The following MGMT variants were observed in gnomAD, a reference collection of about 807,000 sequenced individuals.
MGMT encodes O-6-methylguanine-DNA methyltransferase.
MGMT carries 14 observed loss-of-function variants against 15.9 expected under a neutral mutation model. That is an observed-to-expected ratio of 0.88 (90% CI 0.58 to 1.37). MGMT has a LOEUF of 1.37. Ranked by LOEUF, MGMT falls within the 40% of genes most tolerant of loss-of-function variation. The pLI is 0.00. For synonymous variants in MGMT, 130 were observed against 118.2 expected (o/e 1.10, Z -0.65); for missense variants, 282 against 268.1 (o/e 1.05, Z -0.36).
chr10:129,592,125 G>A (rs1225766339), intron 2 of MGMT, among the ~76,000 whole-genome samples: 6 of 152,142 alleles, frequency 3.9e-5, no homozygotes, highest in South Asian at 2.1e-4. Context: ...TCAGGGTGAC[G>A]GGAGTGGCCA....
chr10:129,594,774 A>T (rs1313394916), intron 2 of MGMT, among the ~76,000 whole-genome samples: 1 of 152,246 alleles, frequency 6.6e-6, no homozygotes, highest in Non-Finnish European at 1.5e-5. Flanking sequence ...TCCCCAGAGA[A>T]GGTGCACCTC....
rs113520087 is a variant in MGMT at position 129,718,993 on chromosome 10, C to T, written c.274+10950C>T. Among the ~76,000 whole-genome samples the T allele has an allele frequency of 3.1e-3, 465 of 151,804 alleles. 4 individuals are homozygous for T. Among genetic ancestry groups the T allele is most frequent in the Non-Finnish European group, 4.9e-3 (335 of 67,974 alleles). On this transcript the variant is annotated intron_variant, in intron 3 of 4. Transcript: ENST00000651593. ...GATGTCTAGAGCCGGTCCATGTGCCCGCTCAGGTATGTCACCTTCCTGAGA... is the reference window on the plus strand; with the variant it reads ...GATGTCTAGAGCCGGTCCATGTGCCTGCTCAGGTATGTCACCTTCCTGAGA...
At chr10:129,595,447 G>A (rs528948502) in intron 2 of MGMT, among the ~76,000 whole-genome samples, 6 of 152,230 alleles carry the variant, frequency 3.9e-5, no homozygotes, top group Non-Finnish European at 5.9e-5. Flanking sequence ...CTGAGCTTTC[G>A]TGGTGTCCAC....
chr10:129,765,563 G>A lies in MGMT; in HGVS notation c.415-1225G>A, dbSNP rs115337078. ...TAGGGTAAAAGCGAGATTGAAGGCAGGGGGTGGGGGGCCAGTGGCATGGCC... is the reference window on the plus strand; with the variant it reads ...TAGGGTAAAAGCGAGATTGAAGGCAAGGGGTGGGGGGCCAGTGGCATGGCC... On this transcript the variant is annotated intron_variant, in intron 4 of 4. Coordinates refer to ENST00000651593, the MANE Select transcript of MGMT (RefSeq NM_002412.5). 7.2e-3 allele frequency among the ~76,000 whole-genome samples: 1,100 copies of A among 152,338 alleles called. 18 individuals carry two copies. Among genetic ancestry groups the A allele is most frequent in the African/African-American group, 0.025 (1,038 of 41,590 alleles).
intron 1 of MGMT, 36 bp from the exon 2 acceptor site, chr10:129,536,205 C>T (rs576674026): frequency 6.2e-7 from 1 of 1,611,768 alleles, no homozygotes; most frequent in South Asian, 1.1e-5. Flanking sequence ...CAGCCTCTTA[C>T]CTATACACTT....
At chr10:129,748,160 A>G (rs1030113765) in intron 3 of MGMT, among the ~76,000 whole-genome samples, 1 of 152,196 alleles carries the variant, frequency 6.6e-6, no homozygotes, top group Non-Finnish European at 1.5e-5. Flanking sequence ...TTGAAGACAG[A>G]GTATCTACAT....
At chr10:129,671,754 C>T (rs189917234) in intron 2 of MGMT, among the ~76,000 whole-genome samples, 104 of 152,298 alleles carry the variant, frequency 6.8e-4, no homozygotes, top group African/African-American at 2.1e-3. Context: ...ACAAAGAAAT[C>T]GCTCACGTCA....
intron 1 of MGMT, among the ~76,000 whole-genome samples, chr10:129,529,573 C>T (rs963572496): frequency 2.0e-5 from 3 of 152,204 alleles, no homozygotes; most frequent in Non-Finnish European, 1.5e-5. Flanking sequence ...AAGCCATATC[C>T]ACAGGAAGTG....
intron 1 of MGMT, 74 bp from the exon 2 acceptor site, chr10:129,536,167 T>G: frequency 6.7e-7 from 1 of 1,492,846 alleles, no homozygotes; most frequent in Non-Finnish European, 9.2e-7. Flanking sequence ...AAATAACCAG[T>G]ACTTCTGTTG....
intron 3 of MGMT, among the ~76,000 whole-genome samples, chr10:129,736,889 C>T (rs1227470298): frequency 6.6e-6 from 1 of 152,172 alleles, no homozygotes; most frequent in Non-Finnish European, 1.5e-5. Flanking sequence ...ATATTGGCCC[C>T]CATTCTCTTC....
At chr10:129,546,838 G>C (rs571087058) in intron 2 of MGMT, among the ~76,000 whole-genome samples, 1 of 152,322 alleles carries the variant, frequency 6.6e-6, no homozygotes, top group East Asian at 1.9e-4. Flanking sequence ...TTTGACTTCG[G>C]GATGCCAGCT....
chr10:129,723,308 G>C (rs1040037712), intron 3 of MGMT, among the ~76,000 whole-genome samples: 1 of 152,038 alleles, frequency 6.6e-6, no homozygotes, highest in Non-Finnish European at 1.5e-5. Context: ...AAAGTCTATT[G>C]TGTCATTCTT....
chr10:129,497,203 C>A (rs539787667), intron 1 of MGMT, among the ~76,000 whole-genome samples: 2 of 152,312 alleles, frequency 1.3e-5, no homozygotes, highest in South Asian at 2.1e-4. Context: ...ACCACTCCCC[C>A]GTCTCTGCAC....
chr10:129,651,648 G>A (rs997488764), intron 2 of MGMT, among the ~76,000 whole-genome samples: 5 of 151,978 alleles, frequency 3.3e-5, no homozygotes, highest in Non-Finnish European at 5.9e-5. Flanking sequence ...GAAAAGTGTC[G>A]CCTATAGAAT....
intron 1 of MGMT, among the ~76,000 whole-genome samples, chr10:129,527,399 T>TA (rs1845882769): frequency 6.6e-6 from 1 of 152,202 alleles, no homozygotes; most frequent in Non-Finnish European, 1.5e-5. Context: ...GTGTTTGAGT[T>TA]AGACGGGACA....
chr10:129,765,064 T>A (rs1306560340), intron 4 of MGMT, among the ~76,000 whole-genome samples: 1 of 152,050 alleles, frequency 6.6e-6, no homozygotes, highest in African/African-American at 2.4e-5. Flanking sequence ...GCTCCTGTGG[T>A]CATGCTCATT....
chr10:129,541,311 G>GAC (rs1846040311), intron 2 of MGMT, among the ~76,000 whole-genome samples: 1 of 152,234 alleles, frequency 6.6e-6, no homozygotes, highest in Non-Finnish European at 1.5e-5. Flanking sequence ...ATAACTGCCT[G>GAC]ACAGTATCAG....
At chr10:129,597,181 G>T (rs1267723246) in intron 2 of MGMT, among the ~76,000 whole-genome samples, 2 of 152,198 alleles carry the variant, frequency 1.3e-5, no homozygotes, top group Non-Finnish European at 2.9e-5. Context: ...ACGTCCCAGG[G>T]TATCTAGTAC....
intron 2 of MGMT, among the ~76,000 whole-genome samples, chr10:129,615,268 C>T (rs926342283): frequency 3.3e-5 from 5 of 152,126 alleles, no homozygotes; most frequent in South Asian, 4.1e-4. Flanking sequence ...GAGCCCTTGC[C>T]GCCGCCTCCC....
Sources: gnomAD v4.1 joint callset for allele counts (sites outside exome capture counted in the v4.1 genomes callset) on GRCh38, gnomAD v4.1.1 for gene constraint, MANE v1.5 for transcripts, NCBI Gene and HGNC (gene_info 2026-07-23, HGNC 2026-07-21) for gene names.